The following ZNF804A variants were observed in gnomAD, a reference collection of about 807,000 sequenced individuals.
ZNF804A encodes the protein zinc finger protein 804A.
A neutral mutation model predicts 16.5 loss-of-function variants in ZNF804A; 2 were observed. That is an observed-to-expected ratio of 0.12 (90% CI 0.05 to 0.38). The LOEUF is 0.38. Among genes scored for constraint, ZNF804A ranks in the 10% least tolerant of loss-of-function variants. ZNF804A has a pLI of 0.99. For synonymous variants in ZNF804A, 534 were observed against 489.6 expected (o/e 1.09, Z -1.20); for missense variants, 1,473 against 1,390.7 (o/e 1.06, Z -0.94).
chr2:184,707,042 G>A (rs185949032), intron 1 of ZNF804A, among the ~76,000 whole-genome samples: 1 of 152,148 alleles, frequency 6.6e-6, no homozygotes, highest in East Asian at 1.9e-4. Flanking sequence ...TAACTTCATA[G>A]GCATAAAGAG....
chr2:184,833,827 AC>A (rs1206835513), intron 1 of ZNF804A, among the ~76,000 whole-genome samples: 2 of 152,082 alleles, frequency 1.3e-5, no homozygotes, highest in African/African-American at 4.8e-5. Flanking sequence ...GCACATGTGT[AC>A]CTACATAACA....
chr2:184,829,923 CAAAAACAAA>C (rs1695234065), intron 1 of ZNF804A, among the ~76,000 whole-genome samples: 1 of 66,466 alleles, frequency 1.5e-5, no homozygotes, highest in Admixed American at 1.6e-4. Context: ...AAAAAAAAAA[CAAAAACAAA>C]AAAAAAAAAA....
intron 1 of ZNF804A, among the ~76,000 whole-genome samples, chr2:184,711,799 G>T (rs1162619491): frequency 6.6e-6 from 1 of 151,418 alleles, no homozygotes; most frequent in Non-Finnish European, 1.5e-5. Context: ...ACATATATGG[G>T]TTTATTTCTG....
chr2:184,877,972 G>A (rs1684735463), intron 2 of ZNF804A, among the ~76,000 whole-genome samples: 1 of 152,038 alleles, frequency 6.6e-6, no homozygotes, highest in South Asian at 2.1e-4. Context: ...CCCGTAGAAG[G>A]GGAGACGCAT....
chr2:184,762,107 T>C (rs1262075131), intron 1 of ZNF804A, among the ~76,000 whole-genome samples: 1 of 152,056 alleles, frequency 6.6e-6, no homozygotes, highest in Non-Finnish European at 1.5e-5. Flanking sequence ...TTTCTCACAT[T>C]GTCTCCTCCT....
intron 1 of ZNF804A, among the ~76,000 whole-genome samples, chr2:184,856,857 T>G (rs1466416267): frequency 6.6e-6 from 1 of 152,056 alleles, no homozygotes; most frequent in Non-Finnish European, 1.5e-5. Flanking sequence ...CTGAAAAAAT[T>G]TTAAGTCCAA....
intron 1 of ZNF804A, among the ~76,000 whole-genome samples, chr2:184,668,076 G>A (rs1692278996): frequency 6.6e-6 from 1 of 151,656 alleles, no homozygotes; most frequent in South Asian, 2.1e-4. Context: ...TATCTCAGAT[G>A]TAAATTTAAA....
intron 1 of ZNF804A, among the ~76,000 whole-genome samples, chr2:184,760,006 G>T (rs1461838912): frequency 6.6e-6 from 1 of 152,102 alleles, no homozygotes; most frequent in East Asian, 1.9e-4. Context: ...TCTTCATAGG[G>T]ACGTGAACTC....
rs185423140 is a variant in ZNF804A, at chr2:184,907,430, C to A, written c.256-26173C>A. Among the ~76,000 whole-genome samples, 602 of 152,240 alleles carry A rather than the reference C, an allele frequency of 4.0e-3. 4 individuals are homozygous for A. Among genetic ancestry groups the A allele is most frequent in the African/African-American group, 0.014 (566 of 41,570 alleles). ...ATTTACAATAATTCATAAATCATTTCTTGGGAATATGCCTCCCTCTTCTGA... is the reference window on the plus strand; with the variant it reads ...ATTTACAATAATTCATAAATCATTTATTGGGAATATGCCTCCCTCTTCTGA... On this transcript the variant is annotated intron_variant, in intron 2 of 3. Transcript: ENST00000302277.
rs1206362695 is a variant in ZNF804A, at chr2:184,616,189, C to T, written c.111+17119C>T. ...TTTTCCAGAGTTTTCACGTGTTTCA[C>T]ACCTTCCTTTGCTTCCCACCATTCC... On this transcript the variant is annotated intron_variant, in intron 1 of 3. Coordinates refer to ENST00000302277, the MANE Select transcript of ZNF804A (RefSeq NM_194250.2). Among the ~76,000 whole-genome samples, 4 of 152,034 alleles carry T rather than the reference C, an allele frequency of 2.6e-5. No homozygotes were observed. The South Asian group carries it at 8.3e-4, about 31-fold the overall frequency.
At chr2:184,927,350 GTC>G (rs757725391) in intron 2 of ZNF804A, among the ~76,000 whole-genome samples, 22 of 152,028 alleles carry the variant, frequency 1.4e-4, no homozygotes, top group South Asian at 6.2e-4. Context: ...AACAAATGGA[GTC>G]TCTCTCTCTC....
chr2:184,925,077 A>G (rs992987269), intron 2 of ZNF804A, among the ~76,000 whole-genome samples: 4 of 151,942 alleles, frequency 2.6e-5, no homozygotes, highest in African/African-American at 4.8e-5. Flanking sequence ...GGTTAAGTCC[A>G]AAGTTTCTTT....
At chr2:184,898,954 G>T (rs1404421526) in intron 2 of ZNF804A, among the ~76,000 whole-genome samples, 1 of 151,910 alleles carries the variant, frequency 6.6e-6, no homozygotes. Flanking sequence ...TCATTATAAT[G>T]TAATTAATAA....
At chr2:184,658,265 A>G (rs1053154297) in intron 1 of ZNF804A, among the ~76,000 whole-genome samples, 8 of 152,054 alleles carry the variant, frequency 5.3e-5, no homozygotes, top group Non-Finnish European at 1.0e-4. Context: ...TGGTGGGTCA[A>G]TTGAGGTCAG....
intron 1 of ZNF804A, among the ~76,000 whole-genome samples, chr2:184,844,182 C>G (rs891231031): frequency 6.6e-6 from 1 of 151,732 alleles, no homozygotes; most frequent in Non-Finnish European, 1.5e-5. Flanking sequence ...ATACCCCCCC[C>G]CATTTCTTCT....
At chr2:184,829,029 A>G (rs1203552698) in intron 1 of ZNF804A, among the ~76,000 whole-genome samples, 1 of 151,780 alleles carries the variant, frequency 6.6e-6, no homozygotes, top group Non-Finnish European at 1.5e-5. Flanking sequence ...TAAGGAGATA[A>G]TTGAATACAA....
intron 1 of ZNF804A, among the ~76,000 whole-genome samples, chr2:184,649,682 ATTC>A (rs1312027765): frequency 6.6e-6 from 1 of 152,040 alleles, no homozygotes; most frequent in African/African-American, 2.4e-5. Context: ...AAATGGATAA[ATTC>A]TTCTAGAATT....
chr2:184,859,686 CG>C (rs2105807999), intron 1 of ZNF804A, among the ~76,000 whole-genome samples: 1 of 152,204 alleles, frequency 6.6e-6, no homozygotes, highest in South Asian at 2.1e-4. Context: ...TATTGCCTTA[CG>C]TTGATGTGTA....
intron 1 of ZNF804A, among the ~76,000 whole-genome samples, chr2:184,668,767 G>C (rs1160060089): frequency 1.3e-5 from 2 of 151,996 alleles, no homozygotes; most frequent in Non-Finnish European, 2.9e-5. Context: ...AATAGCTAGA[G>C]AGAACAATGT....
Sources: allele counts gnomAD v4.1 joint callset (sites outside exome capture counted in the v4.1 genomes callset), GRCh38; gene constraint gnomAD v4.1.1; transcripts MANE v1.5; gene names NCBI Gene and HGNC (gene_info 2026-07-23, HGNC 2026-07-21).